Variants in EBF1 observed in about 807,000 individuals in gnomAD.
The protein encoded by EBF1 is transcription factor COE1.
A neutral mutation model predicts 68.4 loss-of-function variants in EBF1; 10 were observed. The observed-to-expected ratio is 0.15, with a 90% CI of 0.09 to 0.25. The LOEUF (loss-of-function observed/expected upper bound fraction) is 0.25, where lower values mean the gene tolerates loss of function less well. EBF1 is among the 10% of genes least tolerant of loss of function. EBF1 has a pLI of 1.00. For missense variants in EBF1, 509 were observed against 794.4 expected (o/e 0.64, Z 4.32); for synonymous variants, 298 against 299.8 (o/e 0.99, Z 0.06).
intron 5 of EBF1, among the ~76,000 whole-genome samples, chr5:159,077,102 C>T (rs1778910517): frequency 6.6e-6 from 1 of 152,182 alleles, no homozygotes; most frequent in Admixed American, 6.5e-5. Context: ...TTCACTCCCT[C>T]ACTTCATTCA....
At chr5:158,956,412 T>C (rs1419612356) in intron 6 of EBF1, among the ~76,000 whole-genome samples, 4 of 151,966 alleles carry the variant, frequency 2.6e-5, no homozygotes, top group Non-Finnish European at 5.9e-5. Context: ...AACTGGACTT[T>C]TAACTGGAAG....
intron 6 of EBF1, among the ~76,000 whole-genome samples, chr5:159,063,199 C>T (rs1320263761): frequency 6.6e-6 from 1 of 152,158 alleles, no homozygotes; most frequent in Non-Finnish European, 1.5e-5. Flanking sequence ...ACAACCTACC[C>T]TCCAAAGCGC....
At position 159,002,397 on chromosome 5, in the gene EBF1, G is replaced by A. The variant is rs529359032; in HGVS notation, c.554+70999C>T. Among the ~76,000 whole-genome samples, 11 of 152,274 alleles carry A rather than the reference G, an allele frequency of 7.2e-5. No homozygotes were observed. In the East Asian group the frequency reaches 1.4e-3, roughly 19 times the overall value. On this transcript the variant is annotated intron_variant, in intron 6 of 15. Coordinates refer to ENST00000313708, the MANE Select transcript of EBF1 (RefSeq NM_024007.5). Reference sequence around the variant, plus strand: ...CCCTCACTGAAAAAGGCAATATGCCGTTAGCCTGACATATACCTCGCTTTT... The same window carrying A: ...CCCTCACTGAAAAAGGCAATATGCCATTAGCCTGACATATACCTCGCTTTT...
chr5:159,061,461 G>A (rs1024423512), intron 6 of EBF1, among the ~76,000 whole-genome samples: 12 of 152,206 alleles, frequency 7.9e-5, no homozygotes, highest in African/African-American at 2.4e-4. Flanking sequence ...AAGAGGTGGG[G>A]TAGAAAGAAA....
intron 6 of EBF1, among the ~76,000 whole-genome samples, chr5:158,866,827 GTATATGTATATATATATATATA>G (rs1166027785): frequency 9.8e-4 from 57 of 58,344 alleles, no homozygotes; most frequent in African/African-American, 4.0e-3. Context: ...GTATATATAT[GTATATGTATATATATATATATA>G]TATATATATA....
chr5:158,953,365 A>G (rs1170356834), intron 6 of EBF1, among the ~76,000 whole-genome samples: 1 of 152,224 alleles, frequency 6.6e-6, no homozygotes, highest in African/African-American at 2.4e-5. Flanking sequence ...CAAGCCTCAT[A>G]GATAGATAAA....
At chr5:158,993,253 G>T (rs1170278555) in intron 6 of EBF1, among the ~76,000 whole-genome samples, 4 of 152,052 alleles carry the variant, frequency 2.6e-5, no homozygotes, top group African/African-American at 9.7e-5. Context: ...TCACTGTGTT[G>T]CCCAGGCTGG....
chr5:158,922,876 G>C (rs890765741), intron 6 of EBF1, among the ~76,000 whole-genome samples: 1 of 152,166 alleles, frequency 6.6e-6, no homozygotes, highest in Non-Finnish European at 1.5e-5. Flanking sequence ...ACCACTCTCT[G>C]TCCAGGTGGA....
intron 6 of EBF1, among the ~76,000 whole-genome samples, chr5:158,972,670 A>T (rs942216133): frequency 6.6e-6 from 1 of 152,090 alleles, no homozygotes; most frequent in Non-Finnish European, 1.5e-5. Flanking sequence ...CCTTCTTCTC[A>T]TCTATTTGTC....
chr5:158,766,431 T>G (rs1206693715), intron 10 of EBF1, among the ~76,000 whole-genome samples: 2 of 152,188 alleles, frequency 1.3e-5, no homozygotes, highest in Non-Finnish European at 2.9e-5. Context: ...AGAAGTTGTA[T>G]TTGTAAATGT....
At chr5:159,037,905 T>C (rs1362439908) in intron 6 of EBF1, among the ~76,000 whole-genome samples, 1 of 152,160 alleles carries the variant, frequency 6.6e-6, no homozygotes, top group Non-Finnish European at 1.5e-5. Context: ...AGCCATCCTC[T>C]GATCTCCTAG....
At chr5:158,970,850 T>A (rs17716086) in intron 6 of EBF1, among the ~76,000 whole-genome samples, 7,042 of 152,270 alleles carry the variant, frequency 0.046, 237 homozygotes, top group Non-Finnish European at 0.067. Flanking sequence ...CCAACCATAT[T>A]CCTCTCACTT....
chr5:158,790,680 T>A (rs1000602356), intron 9 of EBF1, among the ~76,000 whole-genome samples: 1 of 152,166 alleles, frequency 6.6e-6, no homozygotes, highest in Non-Finnish European at 1.5e-5. Context: ...CATCTCCCAA[T>A]GGGTATCTAT....
intron 6 of EBF1, among the ~76,000 whole-genome samples, chr5:158,929,360 CAGATA>C (rs971197968): frequency 5.3e-5 from 8 of 152,152 alleles, no homozygotes; most frequent in African/African-American, 1.9e-4. Flanking sequence ...GTCCACAGTA[CAGATA>C]AAAGAAATGG....
chr5:158,770,862 G>A (rs988353782), intron 10 of EBF1, among the ~76,000 whole-genome samples: 9 of 152,098 alleles, frequency 5.9e-5, no homozygotes, highest in African/African-American at 1.4e-4. Flanking sequence ...TTCTGGACAC[G>A]TACCAGGTTT....
intron 6 of EBF1, among the ~76,000 whole-genome samples, chr5:158,944,281 A>T (rs151238390): frequency 6.6e-6 from 1 of 151,516 alleles, no homozygotes; most frequent in Non-Finnish European, 1.5e-5. Context: ...ATATATTCTC[A>T]TTGTTCAACT....
At chr5:159,079,904 C>T (rs1183188152) in intron 5 of EBF1, among the ~76,000 whole-genome samples, 2 of 152,066 alleles carry the variant, frequency 1.3e-5, no homozygotes, top group African/African-American at 2.4e-5. Flanking sequence ...CATGAGCCAC[C>T]GTACCTGACC....
chr5:159,040,288 G>A (rs564660854), intron 6 of EBF1, among the ~76,000 whole-genome samples: 1 of 152,154 alleles, frequency 6.6e-6, no homozygotes, highest in Non-Finnish European at 1.5e-5. Context: ...TTTAATAAAT[G>A]ATTCTGCAAA....
intron 15 of EBF1, among the ~76,000 whole-genome samples, chr5:158,703,649 G>A (rs1053500794): frequency 5.4e-5 from 8 of 148,790 alleles, no homozygotes; most frequent in East Asian, 4.0e-4. Flanking sequence ...CTTTTCAAAC[G>A]TTTTATCTAC....
Sources: allele counts gnomAD v4.1 joint callset (sites outside exome capture counted in the v4.1 genomes callset), GRCh38; gene constraint gnomAD v4.1.1; transcripts MANE v1.5; gene names NCBI Gene and HGNC (gene_info 2026-07-23, HGNC 2026-07-21).